Variants in LRRIQ3 observed in about 807,000 individuals in gnomAD.
LRRIQ3 encodes leucine rich repeats and IQ motif containing 3, also known as leucine-rich repeat and IQ domain-containing protein 3.
LRRIQ3 carries 75 observed loss-of-function variants against 59.3 expected under a neutral mutation model. That is an observed-to-expected ratio of 1.26 (90% CI 1.05 to 1.53). The LOEUF is 1.53. Among genes scored for constraint, LRRIQ3 ranks in the 40% most tolerant of loss-of-function variants. The pLI, the probability that LRRIQ3 is intolerant of heterozygous loss-of-function variation, is 0.00. For synonymous variants in LRRIQ3, 250 were observed against 231.3 expected (o/e 1.08, Z -0.73); for missense variants, 831 against 710.0 (o/e 1.17, Z -1.94).
rs564665338 is a variant in LRRIQ3 at position 74,085,034 on chromosome 1, T to G, written c.868-10244A>C. Reference sequence around the variant, plus strand: ...TTTATGTTTTATTCTTTGACTTGCATCTTATAATGTTAATGTATTTTCTTT... The same window carrying G: ...TTTATGTTTTATTCTTTGACTTGCAGCTTATAATGTTAATGTATTTTCTTT... On this transcript the variant is annotated intron_variant, in intron 5 of 7. Transcript: ENST00000354431. Among the ~76,000 whole-genome samples, 5 of 151,914 alleles carry G rather than the reference T, an allele frequency of 3.3e-5. No individual in the cohort carries two copies. The South Asian group carries it at 1.0e-3, about 31-fold the overall frequency.
At chr1:74,135,242 T>A (rs1312390871) in intron 4 of LRRIQ3, among the ~76,000 whole-genome samples, 1 of 151,910 alleles carries the variant, frequency 6.6e-6, no homozygotes, top group African/African-American at 2.4e-5. Flanking sequence ...AAAATGAGAC[T>A]AAAATATATG....
At chr1:74,046,865 G>A (rs1463797867) in intron 6 of LRRIQ3, among the ~76,000 whole-genome samples, 1 of 152,114 alleles carries the variant, frequency 6.6e-6, no homozygotes, top group Non-Finnish European at 1.5e-5. Context: ...ATCATCTTTG[G>A]TCATTATAGA....
At chr1:74,067,661 T>G (rs1202409113) in intron 6 of LRRIQ3, among the ~76,000 whole-genome samples, 3 of 152,068 alleles carry the variant, frequency 2.0e-5, no homozygotes, top group Non-Finnish European at 4.4e-5. Context: ...CATATCTGCT[T>G]TTTTTTCTTA....
At chr1:74,146,961 C>T (rs1026035791) in intron 4 of LRRIQ3, among the ~76,000 whole-genome samples, 2 of 152,166 alleles carry the variant, frequency 1.3e-5, no homozygotes, top group Admixed American at 1.3e-4. Context: ...GCCAAGGCGG[C>T]TCATACTTGT....
chr1:74,070,518 A>G (rs1306503002), intron 6 of LRRIQ3, among the ~76,000 whole-genome samples: 1 of 151,948 alleles, frequency 6.6e-6, no homozygotes, highest in Non-Finnish European at 1.5e-5. Context: ...AAAAATATGT[A>G]TTGGGCACTA....
intron 6 of LRRIQ3, among the ~76,000 whole-genome samples, chr1:74,058,510 TA>T (rs1257744144): frequency 3.3e-5 from 5 of 152,056 alleles, no homozygotes; most frequent in Non-Finnish European, 7.4e-5. Context: ...ATATGGAAGC[TA>T]AAAAAGTTTG....
intron 7 of LRRIQ3, among the ~76,000 whole-genome samples, chr1:74,034,066 T>A (rs1478476058): frequency 6.6e-6 from 1 of 151,986 alleles, no homozygotes; most frequent in Non-Finnish European, 1.5e-5. Flanking sequence ...AGCTTTATGG[T>A]TCCCCTTTTT....
chr1:74,173,064 G>T (rs1361585175), intron 3 of LRRIQ3, among the ~76,000 whole-genome samples: 1 of 152,082 alleles, frequency 6.6e-6, no homozygotes, highest in Admixed American at 6.5e-5. Context: ...CACTTTGGGA[G>T]GCCGAGGCAG....
intron 7 of LRRIQ3, among the ~76,000 whole-genome samples, chr1:74,032,331 A>T (rs1204121985): frequency 6.6e-6 from 1 of 152,048 alleles, no homozygotes; most frequent in African/African-American, 2.4e-5. Context: ...ATTGGCTTAC[A>T]ACAACCACCT....
chr1:74,157,429 T>C (rs999001647), intron 3 of LRRIQ3, among the ~76,000 whole-genome samples: 2 of 152,202 alleles, frequency 1.3e-5, no homozygotes, highest in Admixed American at 6.5e-5. Flanking sequence ...TATCTGTTCA[T>C]ATATAAAGAT....
intron 4 of LRRIQ3, among the ~76,000 whole-genome samples, chr1:74,118,331 A>T (rs892488729): frequency 2.0e-5 from 3 of 152,162 alleles, no homozygotes; most frequent in Admixed American, 6.6e-5. Context: ...AGTTTGTTAA[A>T]TGTATTTTTT....
chr1:74,093,971 CT>C (rs768067518), intron 5 of LRRIQ3, among the ~76,000 whole-genome samples: 4 of 151,830 alleles, frequency 2.6e-5, no homozygotes, highest in Non-Finnish European at 1.5e-5. Context: ...AAAACATAGT[CT>C]TTTTTTTCTC....
At chr1:74,165,255 T>C (rs1341473787) in intron 3 of LRRIQ3, among the ~76,000 whole-genome samples, 1 of 151,582 alleles carries the variant, frequency 6.6e-6, no homozygotes, top group Non-Finnish European at 1.5e-5. Flanking sequence ...AGAATTGAGA[T>C]CTTTATTTTT....
chr1:74,058,870 TAG>T (rs2100437023), intron 6 of LRRIQ3, among the ~76,000 whole-genome samples: 1 of 152,170 alleles, frequency 6.6e-6, no homozygotes, highest in South Asian at 2.1e-4. Flanking sequence ...ACAAACAAAA[TAG>T]AAAGTAAATT....
intron 3 of LRRIQ3, chr1:74,181,043 C>A: frequency 2.3e-6 from 1 of 443,712 alleles, no homozygotes; most frequent in Non-Finnish European, 4.1e-6. Context: ...TATTATTTAC[C>A]ACTGAATCTC....
intron 4 of LRRIQ3, among the ~76,000 whole-genome samples, chr1:74,117,955 A>T (rs1646800167): frequency 6.6e-6 from 1 of 152,064 alleles, no homozygotes; most frequent in South Asian, 2.1e-4. Context: ...TAATTTAGAG[A>T]AAATAGAAAC....
At chr1:74,061,498 A>G (rs921752925) in intron 6 of LRRIQ3, among the ~76,000 whole-genome samples, 3 of 152,178 alleles carry the variant, frequency 2.0e-5, no homozygotes, top group African/African-American at 7.2e-5. Context: ...TCCTAAACAG[A>G]AAGAACAGAG....
At position 74,182,409 on chromosome 1, in the gene LRRIQ3, GGT is replaced by G. The variant is rs1650036025; in HGVS notation, c.573+127_573+128del. 2.7e-5 allele frequency: 13 copies of G among 477,186 alleles called. No homozygotes were observed. The East Asian group carries it at 4.7e-4, about 17-fold the overall frequency. 29.6% of individuals were successfully genotyped at this position (477,186 alleles called of 1,614,324 possible). A position where few individuals can be genotyped will look rare whatever the true frequency, so the allele number is the denominator to read the frequency against. ...GAAAGACATTACAAATATATTCATTGGTTTATATTATTTTATATAAATGATGC... is the reference window on the plus strand; with the variant it reads ...GAAAGACATTACAAATATATTCATTGTTATATTATTTTATATAAATGATGC... On this transcript the variant is annotated intron_variant, in intron 3 of 7. Coordinates refer to ENST00000354431, the MANE Select transcript of LRRIQ3 (RefSeq NM_001105659.2).
At chr1:74,165,888 G>A (rs1352987400) in intron 3 of LRRIQ3, among the ~76,000 whole-genome samples, 15 of 151,404 alleles carry the variant, frequency 9.9e-5, no homozygotes, top group African/African-American at 3.4e-4. Context: ...TTAGAATGTT[G>A]AACCATCCTT....
Sources: gnomAD v4.1 joint callset for allele counts (sites outside exome capture counted in the v4.1 genomes callset) on GRCh38, gnomAD v4.1.1 for gene constraint, MANE v1.5 for transcripts, NCBI Gene and HGNC (gene_info 2026-07-23, HGNC 2026-07-21) for gene names.